The following PLEKHA7 variants were observed in gnomAD, a reference collection of about 807,000 sequenced individuals.
The protein encoded by PLEKHA7 is pleckstrin homology domain containing A7, also known as pleckstrin homology domain-containing family A member 7.
PLEKHA7 carries 104 observed loss-of-function variants against 170.0 expected under a neutral mutation model. The ratio of observed to expected loss-of-function variants is 0.61; its 90% CI spans 0.52 to 0.72. The LOEUF is 0.72. Among genes scored for constraint, PLEKHA7 ranks in the 30% least tolerant of loss-of-function variants. The probability of loss-of-function intolerance (pLI) is 0.00; values close to 1 mark genes in which losing one functional copy is unlikely to be tolerated. For missense variants in PLEKHA7, 1,615 were observed against 1,671.7 expected (o/e 0.97, Z 0.59); for synonymous variants, 648 against 660.8 (o/e 0.98, Z 0.30).
chr11:16,789,925 G>A lies in PLEKHA7; in HGVS notation c.3053-47C>T. On this transcript the variant is annotated intron_variant, in intron 21 of 26. Coordinates refer to ENST00000531066, the MANE Select transcript of PLEKHA7 (RefSeq NM_001329630.2). The surrounding 1 kb of genome is among the most constrained non-coding windows in gnomAD (Gnocchi z 4.6). ...CAAGCATGTTTGTGCTGGGGTGGATGGGTCCCTGCTTCTCCCTCATCACAC... is the reference window on the plus strand; with the variant it reads ...CAAGCATGTTTGTGCTGGGGTGGATAGGTCCCTGCTTCTCCCTCATCACAC... 6.6e-7 allele frequency: 1 copy of A among 1,511,096 alleles called. No homozygotes were observed. Among genetic ancestry groups the A allele is most frequent in the Non-Finnish European group, 9.2e-7 (1 of 1,087,648 alleles). The allele number at this position is 1,511,096 out of a possible 1,614,324, so 93.6% of individuals were successfully genotyped here.
intron 8 of PLEKHA7, among the ~76,000 whole-genome samples, chr11:16,847,089 T>C (rs1442875782): frequency 6.7e-5 from 8 of 119,524 alleles, no homozygotes; most frequent in East Asian, 5.4e-4. Context: ...TTTTTTTTTT[T>C]CTTTTTTTTT....
chr11:16,928,599 T>C (rs908283741), intron 3 of PLEKHA7, among the ~76,000 whole-genome samples: 2 of 151,988 alleles, frequency 1.3e-5, no homozygotes, highest in Non-Finnish European at 2.9e-5. Context: ...ACTACAAGCA[T>C]GTGCCACCAT....
intron 4 of PLEKHA7, among the ~76,000 whole-genome samples, chr11:16,858,626 G>T (rs1264582079): frequency 2.0e-5 from 3 of 151,868 alleles, no homozygotes; most frequent in Admixed American, 6.6e-5. Context: ...CCGAGTAGCT[G>T]GGATTACAGG....
chr11:16,995,698 CT>C lies in PLEKHA7; in HGVS notation c.221+18290del, dbSNP rs776154826. Among the ~76,000 whole-genome samples, 22 of 152,306 alleles carry C rather than the reference CT, an allele frequency of 1.4e-4. No individual in the cohort carries two copies. The South Asian group carries it at 4.6e-3, about 32-fold the overall frequency. On this transcript the variant is annotated intron_variant, in intron 3 of 26. Coordinates refer to ENST00000531066, the MANE Select transcript of PLEKHA7 (RefSeq NM_001329630.2). ...AATTCAAAACTGAATCTGACCTCCC[CT>C]CTCCAGTCCTCCATCATCACTGGAG...
At chr11:16,807,051 A>C (rs1849039406) in intron 13 of PLEKHA7, 1 of 515,094 alleles carries the variant, frequency 1.9e-6, no homozygotes, top group Non-Finnish European at 2.5e-6. Context: ...TGGGGCGGTC[A>C]GGAGAGCAAC....
chr11:16,818,770 A>G (rs545590018), intron 10 of PLEKHA7, among the ~76,000 whole-genome samples: 49 of 150,258 alleles, frequency 3.3e-4, no homozygotes, highest in Non-Finnish European at 2.7e-4. Context: ...ACTAACACCA[A>G]CTAGCCATCT....
chr11:16,998,921 T>TA (rs1284019432), intron 3 of PLEKHA7, among the ~76,000 whole-genome samples: 1 of 151,388 alleles, frequency 6.6e-6, no homozygotes, highest in African/African-American at 2.4e-5. Context: ...ACCACTGACT[T>TA]ATCCCCCTCC....
chr11:16,873,389 T>A (rs531284737), intron 3 of PLEKHA7, among the ~76,000 whole-genome samples: 1 of 152,162 alleles, frequency 6.6e-6, no homozygotes, highest in Non-Finnish European at 1.5e-5. Context: ...AAGCCAGCCA[T>A]GAGGCCAGGC....
intron 3 of PLEKHA7, among the ~76,000 whole-genome samples, chr11:16,974,282 T>A (rs1469234379): frequency 7.4e-6 from 1 of 134,914 alleles, no homozygotes; most frequent in Admixed American, 8.1e-5. Context: ...AAAAAAAAAA[T>A]TGTTCAGAGA....
intron 3 of PLEKHA7, among the ~76,000 whole-genome samples, chr11:16,956,120 T>A (rs1244336735): frequency 6.6e-6 from 1 of 152,354 alleles, no homozygotes; most frequent in East Asian, 1.9e-4. Flanking sequence ...AACAATCATA[T>A]TCTCTTCTCA....
chr11:16,794,757 A>G (rs770940405), intron 18 of PLEKHA7, 43 bp from the exon 19 acceptor site: 6 of 1,592,154 alleles, frequency 3.8e-6, no homozygotes, highest in Non-Finnish European at 5.2e-6. Flanking sequence ...TGGAACAAAG[A>G]CCCCCTTCCT....
intron 19 of PLEKHA7, among the ~76,000 whole-genome samples, chr11:16,793,533 G>A (rs1470027670): frequency 6.6e-6 from 1 of 152,224 alleles, no homozygotes; most frequent in Non-Finnish European, 1.5e-5. Flanking sequence ...CTCATCAGAG[G>A]TCCAGGCACA....
In PLEKHA7 at chr11:16,923,081, CT is replaced by C. The variant is rs1405847310; in HGVS notation, c.222-51900del. ...TCACTTTCCCCCTAACCTATAACCT[CT>C]GATGCCCTCTCACTCTCAGTGCCCT... On this transcript the variant is annotated intron_variant, in intron 3 of 26. Coordinates refer to ENST00000531066, the MANE Select transcript of PLEKHA7 (RefSeq NM_001329630.2). 4.6e-5 allele frequency among the ~76,000 whole-genome samples: 7 copies of C among 152,310 alleles called. No homozygotes were observed. In the East Asian group the frequency reaches 1.4e-3, roughly 29 times the overall value.
At chr11:16,988,671 C>T (rs1231457788) in intron 3 of PLEKHA7, among the ~76,000 whole-genome samples, 1 of 152,214 alleles carries the variant, frequency 6.6e-6, no homozygotes, top group Middle Eastern at 3.2e-3. Flanking sequence ...TGGTCGAACT[C>T]CTGACCTCAG....
rs966298751 is a variant in PLEKHA7, at chr11:16,777,494, C to T, written c.*1504G>A. ...GTTAGTTAAAAATAGACAACAACTG[C>T]TAGATATATTCAAAATTCTATTTTT... On this transcript the variant is annotated 3_prime_UTR_variant, in exon 27 of 27. Coordinates refer to ENST00000531066, the MANE Select transcript of PLEKHA7 (RefSeq NM_001329630.2). 2.0e-5 allele frequency: 3 copies of T among 152,116 alleles called. No homozygotes were observed. The highest frequency in any genetic ancestry group is 2.9e-5 in the Non-Finnish European group (2 of 68,040). 9.4% of individuals were successfully genotyped at this position (152,116 alleles called of 1,614,324 possible).
At chr11:16,880,704 G>A (rs534338781) in intron 3 of PLEKHA7, among the ~76,000 whole-genome samples, 1 of 152,140 alleles carries the variant, frequency 6.6e-6, no homozygotes, top group African/African-American at 2.4e-5. Flanking sequence ...TTCCATCCCC[G>A]ACAGGTTCAG....
chr11:16,972,706 C>A (rs1862800118), intron 3 of PLEKHA7, among the ~76,000 whole-genome samples: 1 of 152,164 alleles, frequency 6.6e-6, no homozygotes, highest in Non-Finnish European at 1.5e-5. Context: ...CAGGTGTGAG[C>A]CACTACACCT....
chr11:16,835,594 T>C (rs1018782047), intron 9 of PLEKHA7, among the ~76,000 whole-genome samples: 1 of 152,212 alleles, frequency 6.6e-6, no homozygotes, highest in African/African-American at 2.4e-5. Flanking sequence ...GCACCTACTA[T>C]GTCTCAGGCA....
In PLEKHA7 at chr11:16,777,467, GAGTT is replaced by G. The variant is rs1332050899; in HGVS notation, c.*1527_*1530del. 1 of 152,038 alleles carries G rather than the reference GAGTT, an allele frequency of 6.6e-6. No homozygotes were observed. The highest frequency in any genetic ancestry group is 2.4e-5 in the African/African-American group (1 of 41,396). 9.4% of individuals were successfully genotyped at this position (152,038 alleles called of 1,614,324 possible). A position where few individuals can be genotyped will look rare whatever the true frequency, so the allele number is the denominator to read the frequency against. ...ATGAAGTCGATACTGGCAGCATATG[GAGTT>G]AGTTAAAAATAGACAACAACTGCTA... On this transcript the variant is annotated 3_prime_UTR_variant, in exon 27 of 27. Coordinates refer to ENST00000531066, the MANE Select transcript of PLEKHA7 (RefSeq NM_001329630.2).
Sources: gnomAD v4.1 joint callset for allele counts (sites outside exome capture counted in the v4.1 genomes callset) on GRCh38, gnomAD v4.1.1 for gene constraint, Gnocchi (gnomAD v3.1) non-coding constraint, MANE v1.5 for transcripts, NCBI Gene and HGNC (gene_info 2026-07-23, HGNC 2026-07-21) for gene names.